PRTG: variants seen among roughly 807,000 people sequenced by gnomAD.
PRTG encodes protogenin.
In PRTG, 67 loss-of-function variants were observed where a neutral mutation model predicts 122.5. That is an observed-to-expected ratio of 0.55 (90% CI 0.45 to 0.67). The LOEUF (loss-of-function observed/expected upper bound fraction) is 0.67. PRTG is among the 30% of genes least tolerant of loss of function. The probability of loss-of-function intolerance (pLI) is 0.00; values close to 1 mark genes in which losing one functional copy is unlikely to be tolerated. For missense variants in PRTG, 1,435 were observed against 1,415.4 expected (o/e 1.01, Z -0.22); for synonymous variants, 554 against 501.1 (o/e 1.11, Z -1.41).
At chr15:55,640,659 A>T (rs1033444403) in intron 12 of PRTG, among the ~76,000 whole-genome samples, 1 of 152,210 alleles carries the variant, frequency 6.6e-6, no homozygotes, top group Non-Finnish European at 1.5e-5. Context: ...TGCAAAATGA[A>T]AATAGGACTT....
intron 6 of PRTG, chr15:55,679,781 G>A (rs2059526772): frequency 2.2e-6 from 1 of 452,534 alleles, no homozygotes; most frequent in Non-Finnish European, 3.9e-6. Context: ...TGGCAAATAG[G>A]TACACGGATA....
intron 2 of PRTG, among the ~76,000 whole-genome samples, chr15:55,721,766 G>A (rs746905404): frequency 4.6e-5 from 7 of 152,164 alleles, no homozygotes; most frequent in Non-Finnish European, 7.4e-5. Context: ...GGGAGAGGGA[G>A]AAGCAAACAT....
intron 2 of PRTG, among the ~76,000 whole-genome samples, chr15:55,728,680 T>C (rs1018609492): frequency 3.9e-5 from 6 of 152,218 alleles, no homozygotes; most frequent in Non-Finnish European, 8.8e-5. Context: ...TTTTCTCCTC[T>C]GATCAAGAAA....
At chr15:55,699,158 C>T (rs1046728104) in intron 2 of PRTG, among the ~76,000 whole-genome samples, 1 of 152,126 alleles carries the variant, frequency 6.6e-6, no homozygotes, top group African/African-American at 2.4e-5. Flanking sequence ...TAAAAAATGA[C>T]CCAACTTGGA....
At chr15:55,674,000 C>T (rs1386460095) in intron 9 of PRTG, among the ~76,000 whole-genome samples, 2 of 152,028 alleles carry the variant, frequency 1.3e-5, no homozygotes, top group Non-Finnish European at 2.9e-5. Flanking sequence ...AAAGTGGCTT[C>T]GAAACAAGGG....
rs1258051043 is a variant in PRTG, at chr15:55,738,021, TATATACACAC to T, written c.397+2351_397+2360del. Among the ~76,000 whole-genome samples the T allele has an allele frequency of 1.5e-4, 15 of 102,916 alleles. 1 individual carries two copies. The highest frequency in any genetic ancestry group is 6.0e-4 in the South Asian group (2 of 3,324). 67.5% of individuals were successfully genotyped at this position (102,916 alleles called of 152,430 possible). A position where few individuals can be genotyped will look rare whatever the true frequency, so the allele number is the denominator to read the frequency against. On this transcript the variant is annotated intron_variant, in intron 2 of 19. Coordinates refer to ENST00000389286, the MANE Select transcript of PRTG (RefSeq NM_173814.6). ...CTCTCTCTATATATATATATATATA[TATATACACAC>T]ACACACACACACACACACACCACAC...
chr15:55,685,260 A>C (rs1423999484), intron 2 of PRTG, among the ~76,000 whole-genome samples: 1 of 152,214 alleles, frequency 6.6e-6, no homozygotes, highest in Non-Finnish European at 1.5e-5. Flanking sequence ...TCTGCCTTGC[A>C]CTTGAACTCA....
intron 7 of PRTG, among the ~76,000 whole-genome samples, 199 bp downstream of exon 7, chr15:55,679,087 G>C (rs1257804968): frequency 3.3e-5 from 5 of 152,118 alleles, no homozygotes; most frequent in Admixed American, 1.3e-4. Context: ...CATGACCCAT[G>C]TATAAAATAC....
chr15:55,636,929 G>C (rs113411227), intron 15 of PRTG, among the ~76,000 whole-genome samples: 13,565 of 152,206 alleles, frequency 0.089, 753 homozygotes, highest in Middle Eastern at 0.15. Context: ...TTACAGGCGT[G>C]AGCCACTGCG....
chr15:55,634,625 G>T (rs577212006), intron 15 of PRTG, among the ~76,000 whole-genome samples: 1 of 152,134 alleles, frequency 6.6e-6, no homozygotes, highest in Non-Finnish European at 1.5e-5. Context: ...CAGATTGCCT[G>T]AGCTCAGGAG....
At chr15:55,673,819 G>C (rs2059487314) in intron 9 of PRTG, 143 bp from the exon 10 acceptor site, 1 of 643,738 alleles carries the variant, frequency 1.6e-6, no homozygotes, top group African/African-American at 1.8e-5. Flanking sequence ...CAGTGAAACA[G>C]AGTACAAACC....
intron 2 of PRTG, among the ~76,000 whole-genome samples, chr15:55,737,249 T>C (rs1335663556): frequency 2.0e-5 from 3 of 152,232 alleles, no homozygotes; most frequent in Non-Finnish European, 4.4e-5. Context: ...CTATTCCAAT[T>C]ACATGAAAAT....
intron 11 of PRTG, among the ~76,000 whole-genome samples, chr15:55,666,665 A>C (rs952137358): frequency 6.6e-6 from 1 of 152,214 alleles, no homozygotes; most frequent in Non-Finnish European, 1.5e-5. Flanking sequence ...ACTTGAAAAA[A>C]TATTTTTAAA....
chr15:55,710,121 G>C (rs2030321252), intron 2 of PRTG, among the ~76,000 whole-genome samples: 1 of 151,992 alleles, frequency 6.6e-6, no homozygotes, highest in African/African-American at 2.4e-5. Flanking sequence ...AATGACTACA[G>C]GAACTAAGCA....
chr15:55,680,076 A>G lies in PRTG; in HGVS notation c.951T>C (p.Ala317=). 2 of 1,613,546 alleles carry G rather than the reference A, an allele frequency of 1.2e-6. No homozygotes were observed. The highest frequency in any genetic ancestry group is 1.1e-5 in the South Asian group (1 of 91,050). The change falls in exon 6 of 20, where the codon GCT becomes GCC. Residue 317 remains alanine, a synonymous_variant. Coordinates refer to ENST00000389286, the MANE Select transcript of PRTG (RefSeq NM_173814.6). ...TTPGTRNFTV[A]MATLTVLAPP... ...TACCTAATACAGTTAAAGTTGCCAT[A>G]GCAACTGTAAAGTTGCGTGTGCCAG...
At chr15:55,702,864 G>A in intron 2 of PRTG, 1 of 975,370 alleles carries the variant, frequency 1.0e-6, no homozygotes, top group Non-Finnish European at 1.2e-6. Flanking sequence ...GATGCCAGTG[G>A]CACACACAGG....
chr15:55,645,565 G>C (rs1245391568), intron 11 of PRTG, among the ~76,000 whole-genome samples: 1 of 151,564 alleles, frequency 6.6e-6, no homozygotes, highest in Non-Finnish European at 1.5e-5. Flanking sequence ...ACAGAACTAA[G>C]GATATAGGGT....
At chr15:55,673,829 C>T (rs1301650461) in intron 9 of PRTG, among the ~76,000 whole-genome samples, 153 bp from the exon 10 acceptor site, 1 of 151,758 alleles carries the variant, frequency 6.6e-6, no homozygotes, top group Admixed American at 6.6e-5. Context: ...GAGTACAAAC[C>T]AGAAAAAAGA....
chr15:55,668,215 T>C (rs1468527873), intron 11 of PRTG, among the ~76,000 whole-genome samples: 2 of 152,218 alleles, frequency 1.3e-5, no homozygotes, highest in Non-Finnish European at 2.9e-5. Context: ...CTCAAGCTCT[T>C]TGGCAAAATA....
Sources: gnomAD v4.1 joint callset for allele counts (sites outside exome capture counted in the v4.1 genomes callset) on GRCh38, gnomAD v4.1.1 for gene constraint, MANE v1.5 for transcripts, NCBI Gene and HGNC (gene_info 2026-07-23, HGNC 2026-07-21) for gene names.